The following UVRAG variants were observed in gnomAD, a reference collection of about 807,000 sequenced individuals.
UVRAG encodes UV radiation resistance-associated gene protein.
UVRAG carries 19 observed loss-of-function variants against 78.0 expected under a neutral mutation model. The observed-to-expected ratio is 0.24, with a 90% CI of 0.17 to 0.36. The LOEUF is 0.36. UVRAG is among the 10% of genes least tolerant of loss of function. The pLI is 1.00. For synonymous variants in UVRAG, 323 were observed against 324.6 expected (o/e 1.00, Z 0.05); for missense variants, 740 against 853.8 (o/e 0.87, Z 1.66).
At chr11:75,822,854 C>T (rs888547533) in intron 1 of UVRAG, among the ~76,000 whole-genome samples, 1 of 151,998 alleles carries the variant, frequency 6.6e-6, no homozygotes, top group African/African-American at 2.4e-5. Flanking sequence ...TGTATGGAGG[C>T]TTCATCATGT....
At chr11:75,909,238 T>C (rs1224065044) in intron 5 of UVRAG, among the ~76,000 whole-genome samples, 3 of 152,076 alleles carry the variant, frequency 2.0e-5, no homozygotes, top group Non-Finnish European at 4.4e-5. Context: ...TCCCAGCTAA[T>C]TGGGAGGCTG....
chr11:76,138,505 T>TG (rs11411743), intron 14 of UVRAG, among the ~76,000 whole-genome samples: 8,104 of 152,174 alleles, frequency 0.053, 344 homozygotes, highest in African/African-American at 0.12. Context: ...ACTTTTAGAG[T>TG]TCTCAAACTC....
chr11:75,887,526 C>T (rs1947108906), intron 4 of UVRAG, among the ~76,000 whole-genome samples: 1 of 149,974 alleles, frequency 6.7e-6, no homozygotes, highest in South Asian at 2.1e-4. Context: ...CGGCTCTCTG[C>T]AAGCTCTGCC....
At chr11:75,828,362 T>A (rs1945562597) in intron 1 of UVRAG, among the ~76,000 whole-genome samples, 1 of 150,836 alleles carries the variant, frequency 6.6e-6, no homozygotes, top group Non-Finnish European at 1.5e-5. Flanking sequence ...AATCCTAGCC[T>A]ACCTGGGAGG....
At position 75,865,109 on chromosome 11, in the gene UVRAG, G is replaced by A. The variant is rs184128480; in HGVS notation, c.270+3329G>A. Among the ~76,000 whole-genome samples, 1,324 of 152,090 alleles carry A rather than the reference G, an allele frequency of 8.7e-3. 18 individuals are homozygous for A. Among genetic ancestry groups the A allele is most frequent in the African/African-American group, 0.03 (1,258 of 41,482 alleles). ...TTGAGACCAGCCTGACCAACATGGA[G>A]AATCCCCATCTCTACTAAAAATATA... On this transcript the variant is annotated intron_variant, in intron 3 of 14. Coordinates refer to ENST00000356136, the MANE Select transcript of UVRAG (RefSeq NM_003369.4).
chr11:76,107,063 T>C (rs1039454493), intron 13 of UVRAG, among the ~76,000 whole-genome samples: 11 of 152,180 alleles, frequency 7.2e-5, no homozygotes, highest in Non-Finnish European at 1.6e-4. Flanking sequence ...CTCACAAGGA[T>C]TGGAAGTGAT....
intron 3 of UVRAG, among the ~76,000 whole-genome samples, chr11:75,866,174 A>G (rs1419329525): frequency 1.3e-5 from 2 of 151,768 alleles, no homozygotes; most frequent in Non-Finnish European, 2.9e-5. Flanking sequence ...GTCAGCCAAG[A>G]TTGTGCCACT....
chr11:75,998,202 G>T (rs758876220), intron 8 of UVRAG, among the ~76,000 whole-genome samples: 43 of 152,174 alleles, frequency 2.8e-4, no homozygotes, highest in Non-Finnish European at 5.0e-4. Flanking sequence ...TATACTAATG[G>T]CACTAAGGGG....
chr11:75,982,366 T>C (rs994389541), intron 7 of UVRAG, among the ~76,000 whole-genome samples: 6 of 152,172 alleles, frequency 3.9e-5, no homozygotes, highest in African/African-American at 1.4e-4. Context: ...AATTCTTAGC[T>C]GGGAGGAGGA....
chr11:76,077,756 G>A (rs576108565), intron 13 of UVRAG, among the ~76,000 whole-genome samples: 147 of 152,284 alleles, frequency 9.7e-4, no homozygotes, highest in African/African-American at 3.4e-3. Context: ...TCAGGAGACC[G>A]TACTTGCTGC....
chr11:75,884,098 G>C (rs1282411245), intron 4 of UVRAG, among the ~76,000 whole-genome samples: 2 of 152,082 alleles, frequency 1.3e-5, no homozygotes, highest in East Asian at 3.8e-4. Flanking sequence ...GCTATCACTT[G>C]TGATTGCCAG....
chr11:76,121,190 T>A (rs966718691), intron 14 of UVRAG, among the ~76,000 whole-genome samples: 3 of 152,230 alleles, frequency 2.0e-5, no homozygotes, highest in African/African-American at 7.2e-5. Context: ...TTAGCTAATA[T>A]GAGAATGATC....
chr11:75,905,600 A>G (rs1241241528), intron 5 of UVRAG, among the ~76,000 whole-genome samples: 67 of 152,274 alleles, frequency 4.4e-4, no homozygotes, highest in Admixed American at 4.4e-3. Context: ...TGTTGCATCT[A>G]CATGTAGGAA....
chr11:76,019,856 C>T (rs930281349), intron 12 of UVRAG, among the ~76,000 whole-genome samples: 15 of 152,198 alleles, frequency 9.9e-5, no homozygotes, highest in African/African-American at 3.6e-4. Context: ...TTGCTCAAGA[C>T]CCTGTGGCTC....
chr11:75,951,392 G>GTTTT lies in UVRAG; in HGVS notation c.594-10048_594-10045dup, dbSNP rs538018565. 3.3e-3 allele frequency among the ~76,000 whole-genome samples: 493 copies of GTTTT among 149,114 alleles called. 4 individuals carry two copies. The highest frequency in any genetic ancestry group is 0.012 in the African/African-American group (466 of 39,368). On this transcript the variant is annotated intron_variant, in intron 6 of 14. Transcript: ENST00000356136. Reference sequence around the variant, plus strand: ...TTTTTGTTTGTTTGTTTGTTTGTTTGTTTTTTTGAGATGGAGTTTCGCTCT... The same window carrying GTTTT: ...TTTTTGTTTGTTTGTTTGTTTGTTTGTTTTTTTTTTTGAGATGGAGTTTCGCTCT...
chr11:75,911,795 C>T (rs1276578823), intron 5 of UVRAG, among the ~76,000 whole-genome samples, 159 bp from the exon 6 acceptor site: 2 of 152,180 alleles, frequency 1.3e-5, no homozygotes, highest in Non-Finnish European at 2.9e-5. Flanking sequence ...GGTTAGGCTT[C>T]TATTACATGG....
chr11:76,088,673 C>A (rs1951638591), intron 13 of UVRAG, among the ~76,000 whole-genome samples: 1 of 152,096 alleles, frequency 6.6e-6, no homozygotes. Flanking sequence ...TCTGCTTTTG[C>A]TTTTATATTC....
chr11:75,892,609 A>G (rs566590817), intron 5 of UVRAG, among the ~76,000 whole-genome samples: 1 of 152,312 alleles, frequency 6.6e-6, no homozygotes, highest in South Asian at 2.1e-4. Context: ...TGGTCAGTAC[A>G]TGCTTATTGA....
intron 6 of UVRAG, among the ~76,000 whole-genome samples, chr11:75,931,113 G>A (rs1214492055): frequency 1.3e-5 from 2 of 151,220 alleles, no homozygotes; most frequent in Non-Finnish European, 3.0e-5. Context: ...ATGTTTTTTT[G>A]GGAGTTTGTT....
Sources: allele counts gnomAD v4.1 joint callset (sites outside exome capture counted in the v4.1 genomes callset), GRCh38; gene constraint gnomAD v4.1.1; transcripts MANE v1.5; gene names NCBI Gene and HGNC (gene_info 2026-07-23, HGNC 2026-07-21).